Variants in INSC observed in about 807,000 individuals in gnomAD.
INSC encodes protein inscuteable homolog.
INSC carries 67 observed loss-of-function variants against 58.6 expected under a neutral mutation model. The ratio of observed to expected loss-of-function variants is 1.14; its 90% CI spans 0.94 to 1.40. The LOEUF is 1.40. Ranked by LOEUF, INSC falls within the 40% of genes most tolerant of loss-of-function variation. The probability of loss-of-function intolerance (pLI) is 0.00; values close to 1 mark genes in which losing one functional copy is unlikely to be tolerated. For missense variants in INSC, 714 were observed against 692.0 expected, an observed-to-expected ratio of 1.03 and a Z score of -0.36; for synonymous variants, 262 against 276.1, an observed-to-expected ratio of 0.95 and a Z score of 0.51.
rs757772226 is a variant in INSC at position 15,225,722 on chromosome 11, T to C, written c.1064T>C (p.Phe355Ser). 6.2e-7 allele frequency: 1 copy of C among 1,614,130 alleles called. No individual in the cohort carries two copies. Among genetic ancestry groups the C allele is most frequent in the Admixed American group, 1.7e-5 (1 of 60,022 alleles). ...ASAALANITF[F>S]DTMACEMLLQ... ...GCGGCCCTTGCCAACATCACGTTCT[T>C]TGACACAATGGCCTGCGAGATGCTC... The change falls in exon 9 of 13, where the codon TTT (phenylalanine) becomes TCT (serine). Residue 355 changes from phenylalanine (F) to serine (S), a missense_variant. Physicochemically the swap from Phe to Ser is radical, Grantham distance 155 (BLOSUM62 -2). Transcript: ENST00000379556.
intron 1 of INSC, among the ~76,000 whole-genome samples, chr11:15,120,044 A>G (rs1847832496): frequency 2.6e-5 from 4 of 152,184 alleles, no homozygotes. Flanking sequence ...CCTTGGGCAC[A>G]CTGTGTTATC....
intron 7 of INSC, among the ~76,000 whole-genome samples, chr11:15,209,797 C>T (rs1485546402): frequency 6.6e-6 from 1 of 152,196 alleles, no homozygotes. Context: ...AGATCAACCA[C>T]AGGGCTGAGA....
intron 2 of INSC, among the ~76,000 whole-genome samples, chr11:15,162,374 G>C (rs1053950282): frequency 6.6e-6 from 1 of 152,314 alleles, no homozygotes; most frequent in African/African-American, 2.4e-5. Flanking sequence ...GCAATGGTCA[G>C]TACCCATATT....
At chr11:15,253,390 A>T in the INSC span, among the ~76,000 whole-genome samples, 2 of 152,146 alleles carry the variant, frequency 1.3e-5, no homozygotes. Flanking sequence ...CCGACGTAAG[A>T]TCCTTCATGA....
the INSC span, among the ~76,000 whole-genome samples, chr11:15,266,417 A>G: frequency 3.2e-4 from 48 of 152,186 alleles, no homozygotes; most frequent in Non-Finnish European, 5.3e-4. Flanking sequence ...CTTCTTGGTT[A>G]TGTCCATCAT....
chr11:15,180,626 C>T (rs963035902), intron 5 of INSC, among the ~76,000 whole-genome samples: 4 of 137,692 alleles, frequency 2.9e-5, no homozygotes, highest in Admixed American at 1.6e-4. Flanking sequence ...GCTGAGTAGA[C>T]CAGCTCCTGC....
chr11:15,141,714 C>G (rs1848376762), intron 1 of INSC, among the ~76,000 whole-genome samples: 1 of 152,092 alleles, frequency 6.6e-6, no homozygotes, highest in African/African-American at 2.4e-5. Context: ...TATTGCCACC[C>G]TTGCACAGGT....
the INSC span, among the ~76,000 whole-genome samples, chr11:15,266,254 CA>C: frequency 5.6e-3 from 778 of 139,656 alleles, 2 homozygotes; most frequent in African/African-American, 0.013. Context: ...GATGTGATCT[CA>C]AAAAAAAAAA....
chr11:15,118,999 AG>A (rs1847803302), intron 1 of INSC, among the ~76,000 whole-genome samples: 2 of 152,356 alleles, frequency 1.3e-5, no homozygotes, highest in South Asian at 4.1e-4. Flanking sequence ...GAGCTAGCAA[AG>A]ATTCCTTTCC....
At chr11:15,145,472 G>T (rs1848470009) in intron 1 of INSC, among the ~76,000 whole-genome samples, 1 of 152,178 alleles carries the variant, frequency 6.6e-6, no homozygotes, top group African/African-American at 2.4e-5. Context: ...TGCTCAACAG[G>T]ATGAGTCTGA....
chr11:15,208,341 A>G (rs536966438), intron 7 of INSC, among the ~76,000 whole-genome samples: 1 of 151,474 alleles, frequency 6.6e-6, no homozygotes, highest in Admixed American at 6.5e-5. Flanking sequence ...CCAGGGTCCC[A>G]GGTTAGCTGT....
intron 9 of INSC, among the ~76,000 whole-genome samples, chr11:15,228,411 C>T (rs1851722699): frequency 1.3e-5 from 2 of 152,174 alleles, no homozygotes; most frequent in African/African-American, 4.8e-5. Flanking sequence ...GGAGTCGGTA[C>T]CTTTTCACGT....
At chr11:15,130,924 C>T (rs1848111124) in intron 1 of INSC, among the ~76,000 whole-genome samples, 1 of 151,518 alleles carries the variant, frequency 6.6e-6, no homozygotes, top group African/African-American at 2.4e-5. Flanking sequence ...TGATTTTTTC[C>T]AGATCTTGCC....
intron 2 of INSC, among the ~76,000 whole-genome samples, chr11:15,150,326 A>C (rs915764232): frequency 6.6e-6 from 1 of 152,222 alleles, no homozygotes; most frequent in East Asian, 1.9e-4. Context: ...AGATAGTAGC[A>C]GCCATGTCTT....
intron 7 of INSC, among the ~76,000 whole-genome samples, chr11:15,219,868 C>A (rs892137454): frequency 1.2e-4 from 18 of 152,288 alleles, no homozygotes; most frequent in Non-Finnish European, 1.9e-4. Context: ...TGCTTCTAGC[C>A]CCTGCTTCCC....
the INSC span, among the ~76,000 whole-genome samples, chr11:15,269,195 A>G: frequency 6.6e-6 from 1 of 151,960 alleles, no homozygotes; most frequent in Admixed American, 6.6e-5. Flanking sequence ...TTCCCCTTCC[A>G]GGTGCTCAAA....
chr11:15,183,709 A>G (rs1323176030), intron 5 of INSC, among the ~76,000 whole-genome samples: 2 of 152,242 alleles, frequency 1.3e-5, no homozygotes, highest in African/African-American at 4.8e-5. Flanking sequence ...ATATCTTTGA[A>G]GAGCCAAAGA....
At chr11:15,220,594 C>A (rs1851399963) in intron 7 of INSC, among the ~76,000 whole-genome samples, 1 of 152,160 alleles carries the variant, frequency 6.6e-6, no homozygotes, top group African/African-American at 2.4e-5. Flanking sequence ...TGATCTGGGG[C>A]AAGTCAATGA....
At chr11:15,168,219 T>G (rs1849270859) in intron 2 of INSC, among the ~76,000 whole-genome samples, 1 of 152,206 alleles carries the variant, frequency 6.6e-6, no homozygotes, top group African/African-American at 2.4e-5. Flanking sequence ...ACACATTACC[T>G]ATGTGTTAAG....
Sources: gnomAD v4.1 joint callset for allele counts (sites outside exome capture counted in the v4.1 genomes callset) on GRCh38, gnomAD v4.1.1 for gene constraint, MANE v1.5 for transcripts, NCBI Gene and HGNC (gene_info 2026-07-23, HGNC 2026-07-21) for gene names.